The following CCDC102B variants were observed in gnomAD, a reference collection of about 807,000 sequenced individuals.
CCDC102B encodes coiled-coil domain-containing protein 102B.
Under a neutral mutation model 57.4 loss-of-function variants are expected in CCDC102B, and 75 were observed. The ratio of observed to expected loss-of-function variants is 1.31; its 90% confidence interval spans 1.08 to 1.58. CCDC102B has a LOEUF of 1.58. CCDC102B is among the 40% of genes most tolerant of loss of function. The pLI, the probability that CCDC102B is intolerant of heterozygous loss-of-function variation, is 0.00. For missense variants in CCDC102B, 636 were observed against 582.6 expected, an observed-to-expected ratio of 1.09 and a Z score of -0.94; for synonymous variants, 206 against 201.9, an observed-to-expected ratio of 1.02 and a Z score of -0.17.
At chr18:68,918,244 C>T (rs1346403194) in intron 6 of CCDC102B, among the ~76,000 whole-genome samples, 1 of 152,146 alleles carries the variant, frequency 6.6e-6, no homozygotes, top group Non-Finnish European at 1.5e-5. Flanking sequence ...CTTTGAGAGT[C>T]AGCATTCATT....
intron 7 of CCDC102B, among the ~76,000 whole-genome samples, chr18:69,031,350 C>T (rs914538554): frequency 2.0e-5 from 3 of 152,030 alleles, no homozygotes; most frequent in Non-Finnish European, 2.9e-5. Context: ...GGCTTATAAT[C>T]CAATCATAAA....
chr18:68,977,869 T>C (rs2145281475), intron 6 of CCDC102B, among the ~76,000 whole-genome samples: 1 of 152,156 alleles, frequency 6.6e-6, no homozygotes, highest in South Asian at 2.1e-4. Context: ...TCTATTAATC[T>C]TTGTTTTGGC....
chr18:68,996,627 AT>A (rs2145343185), intron 6 of CCDC102B, among the ~76,000 whole-genome samples: 1 of 152,166 alleles, frequency 6.6e-6, no homozygotes, highest in East Asian at 1.9e-4. Context: ...TTTTTTGCCC[AT>A]TTCTTCCATT....
chr18:68,879,936 A>C (rs952137832), intron 5 of CCDC102B, among the ~76,000 whole-genome samples: 1 of 152,218 alleles, frequency 6.6e-6, no homozygotes, highest in African/African-American at 2.4e-5. Context: ...GGCTTCACCC[A>C]GTGGATCCCG....
chr18:68,953,138 A>G (rs1265575638), intron 6 of CCDC102B, among the ~76,000 whole-genome samples: 1 of 152,114 alleles, frequency 6.6e-6, no homozygotes, highest in Non-Finnish European at 1.5e-5. Flanking sequence ...GGATGATTAT[A>G]TTTTTACAAA....
intron 7 of CCDC102B, among the ~76,000 whole-genome samples, chr18:69,046,367 A>T (rs1007111982): frequency 1.3e-5 from 2 of 152,132 alleles, no homozygotes; most frequent in African/African-American, 4.8e-5. Flanking sequence ...GCATTTTATA[A>T]TATGCTTATT....
intron 2 of CCDC102B, among the ~76,000 whole-genome samples, chr18:68,746,922 G>A (rs777277768): frequency 2.0e-5 from 3 of 151,616 alleles, no homozygotes; most frequent in Admixed American, 6.6e-5. Context: ...TGTAACATAA[G>A]ATCTATATTT....
At position 68,956,361 on chromosome 18, in the gene CCDC102B, A is replaced by T. The variant is rs1474106848; in HGVS notation, c.1264-54573A>T. ...TATAATATATATATTAATATATATAATATATATATAAAATGTATAATATAT... is the reference window on the plus strand; with the variant it reads ...TATAATATATATATTAATATATATATTATATATATAAAATGTATAATATAT... On this transcript the variant is annotated intron_variant, in intron 6 of 7. Coordinates refer to ENST00000360242, the MANE Select transcript of CCDC102B (RefSeq NM_024781.3). Among the ~76,000 whole-genome samples, 390 of 53,460 alleles carry T rather than the reference A, an allele frequency of 7.3e-3. 5 individuals carry two copies. The highest frequency in any genetic ancestry group is 0.025 in the African/African-American group (361 of 14,576). 35.1% of individuals were successfully genotyped at this position (53,460 alleles called of 152,430 possible).
intron 2 of CCDC102B, chr18:68,838,469 G>A: frequency 1.0e-6 from 1 of 985,242 alleles, no homozygotes; most frequent in Non-Finnish European, 1.2e-6. Flanking sequence ...ACAAACAAGA[G>A]TTAAAGCAGA....
chr18:69,029,536 A>G (rs769607371), intron 7 of CCDC102B, among the ~76,000 whole-genome samples: 2 of 152,198 alleles, frequency 1.3e-5, no homozygotes, highest in Non-Finnish European at 2.9e-5. Context: ...GTTTAGCTAA[A>G]TGACTGCTAA....
In CCDC102B at chr18:69,011,160, A is replaced by G. The variant is rs191409919; in HGVS notation, c.1434+56A>G. The G allele has an allele frequency of 3.8e-5, 53 of 1,399,444 alleles. No homozygotes were observed. In the African/African-American group the frequency reaches 6.7e-4, roughly 18 times the overall value. The allele number at this position is 1,399,444 out of a possible 1,614,324, so 86.7% of individuals were successfully genotyped here. A position where few individuals can be genotyped will look rare whatever the true frequency, so the allele number is the denominator to read the frequency against. Reference sequence around the variant, plus strand: ...CAGCTTCTAAATAGTATTTTAGAGCATATCTAAAGATTGTCTCCCTTATTA... The same window carrying G: ...CAGCTTCTAAATAGTATTTTAGAGCGTATCTAAAGATTGTCTCCCTTATTA... On this transcript the variant is annotated intron_variant, in intron 7 of 7. Coordinates refer to ENST00000360242, the MANE Select transcript of CCDC102B (RefSeq NM_024781.3).
chr18:68,725,812 A>T, intron 2 of CCDC102B, among the ~76,000 whole-genome samples: 1 of 152,202 alleles, frequency 6.6e-6, no homozygotes, highest in Non-Finnish European at 1.5e-5. Flanking sequence ...GACTGAGCAG[A>T]CTATGGGAAC....
chr18:68,777,564 A>G (rs2034864476), intron 2 of CCDC102B, among the ~76,000 whole-genome samples: 1 of 152,114 alleles, frequency 6.6e-6, no homozygotes. Flanking sequence ...CTTTTATTCT[A>G]GCTACTTAAA....
intron 4 of CCDC102B, among the ~76,000 whole-genome samples, chr18:68,865,277 A>G (rs926548938): frequency 6.6e-6 from 1 of 152,118 alleles, no homozygotes; most frequent in African/African-American, 2.4e-5. Context: ...TTTCGCAAAT[A>G]GATGCTGATC....
rs866768709 is a variant in CCDC102B at position 68,840,488 on chromosome 18, A to G, written c.827+1562A>G. Among the ~76,000 whole-genome samples, 42 of 152,300 alleles carry G rather than the reference A, an allele frequency of 2.8e-4. 1 individual carries two copies. Among genetic ancestry groups the G allele is most frequent in the Middle Eastern group, 3.4e-3 (1 of 294 alleles). ...GTAGATTGTGATCATACAAGTATCT[A>G]TGTACAGAATAAATATTTATTACTC... On this transcript the variant is annotated intron_variant, in intron 3 of 7. Coordinates refer to ENST00000360242, the MANE Select transcript of CCDC102B (RefSeq NM_024781.3).
chr18:69,016,314 A>G (rs2051667167), intron 7 of CCDC102B, among the ~76,000 whole-genome samples: 2 of 152,196 alleles, frequency 1.3e-5, no homozygotes. Flanking sequence ...TAGAAAAAGG[A>G]ACCTAAACTG....
chr18:68,741,582 A>C (rs1486852084), intron 2 of CCDC102B, among the ~76,000 whole-genome samples: 1 of 151,986 alleles, frequency 6.6e-6, no homozygotes, highest in Admixed American at 6.6e-5. Context: ...CAACTTTGCA[A>C]TAAGGCAAAT....
At chr18:68,989,895 C>T (rs1359314505) in intron 6 of CCDC102B, among the ~76,000 whole-genome samples, 1 of 152,178 alleles carries the variant, frequency 6.6e-6, no homozygotes, top group Non-Finnish European at 1.5e-5. Flanking sequence ...CCCACAGTCC[C>T]TTCCATACAG....
intron 4 of CCDC102B, among the ~76,000 whole-genome samples, chr18:68,848,554 G>A (rs1329360298): frequency 6.6e-6 from 1 of 152,002 alleles, no homozygotes; most frequent in Non-Finnish European, 1.5e-5. Context: ...ATAGAGAAGA[G>A]AAAAGATAAG....
Sources: gnomAD v4.1 joint callset for allele counts (sites outside exome capture counted in the v4.1 genomes callset) on GRCh38, gnomAD v4.1.1 for gene constraint, MANE v1.5 for transcripts, NCBI Gene and HGNC (gene_info 2026-07-23, HGNC 2026-07-21) for gene names.